The following TCEA3 variants were observed in gnomAD, a reference collection of about 807,000 sequenced individuals.
TCEA3 encodes the protein transcription elongation factor A3.
A neutral mutation model predicts 44.0 loss-of-function variants in TCEA3; 36 were observed. The ratio of observed to expected loss-of-function variants is 0.82; its 90% confidence interval spans 0.63 to 1.08. TCEA3 has a LOEUF of 1.08. TCEA3 is among the 50% of genes least tolerant of loss of function. TCEA3 has a pLI of 0.00. For synonymous variants in TCEA3, 162 were observed against 159.7 expected, an observed-to-expected ratio of 1.01 and a Z score of -0.11; for missense variants, 392 against 441.2, an observed-to-expected ratio of 0.89 and a Z score of 1.00.
At chr1:23,384,662 C>CTTTT (rs11341961) in intron 9 of TCEA3, among the ~76,000 whole-genome samples, 20 of 116,478 alleles carry the variant, frequency 1.7e-4, no homozygotes, top group African/African-American at 4.7e-4. Context: ...TGCACTTCCG[C>CTTTT]TTTTTTTTTT....
intron 1 of TCEA3, among the ~76,000 whole-genome samples, chr1:23,423,468 G>A (rs1570304356): frequency 6.6e-6 from 1 of 152,128 alleles, no homozygotes; most frequent in African/African-American, 2.4e-5. Context: ...CCACTCTAGG[G>A]CTCCCTGCCA....
intron 1 of TCEA3, 22 bp from the exon 2 acceptor site, chr1:23,419,161 G>A (rs1364289670): frequency 1.3e-6 from 2 of 1,578,144 alleles, no homozygotes; most frequent in African/African-American, 2.7e-5. Context: ...CACAAGGTGA[G>A]GACTGGGGCC....
intron 10 of TCEA3, chr1:23,383,824 A>G: frequency 1.0e-6 from 1 of 986,584 alleles, no homozygotes; most frequent in Non-Finnish European, 1.2e-6. Flanking sequence ...CTGCCTTTGC[A>G]GGAGCTGGGG....
At chr1:23,384,320 AG>A in intron 10 of TCEA3, 25 bp downstream of exon 10, 1 of 1,613,778 alleles carries the variant, frequency 6.2e-7, no homozygotes. Flanking sequence ...ATAACAGGGA[AG>A]GGGGAAATAC....
At chr1:23,396,152 G>A (rs775881106) in intron 7 of TCEA3, among the ~76,000 whole-genome samples, 1 of 152,116 alleles carries the variant, frequency 6.6e-6, no homozygotes, top group Non-Finnish European at 1.5e-5. Context: ...ATCAGGGTAG[G>A]CCACAGGAAG....
intron 8 of TCEA3, among the ~76,000 whole-genome samples, chr1:23,392,401 C>T (rs1389040529): frequency 3.6e-5 from 1 of 27,954 alleles, no homozygotes; most frequent in Non-Finnish European, 7.8e-5. Flanking sequence ...ACACACTCCA[C>T]ACATCATCAT....
At chr1:23,390,720 G>C (rs1248225023) in intron 8 of TCEA3, among the ~76,000 whole-genome samples, 1 of 152,112 alleles carries the variant, frequency 6.6e-6, no homozygotes, top group Non-Finnish European at 1.5e-5. Flanking sequence ...CAGCATCAGA[G>C]ACACGGAGAA....
At chr1:23,399,646 TCTAC>T (rs1639339516) in intron 5 of TCEA3, among the ~76,000 whole-genome samples, 1 of 151,986 alleles carries the variant, frequency 6.6e-6, no homozygotes, top group Admixed American at 6.6e-5. Flanking sequence ...ACAGAATTTA[TCTAC>T]TTTTGCGATG....
chr1:23,403,192 G>C (rs941972616), intron 5 of TCEA3, among the ~76,000 whole-genome samples: 1 of 152,252 alleles, frequency 6.6e-6, no homozygotes, highest in African/African-American at 2.4e-5. Flanking sequence ...CTTTGAAGGA[G>C]CCCCAACGAA....
At chr1:23,419,416 T>G in intron 1 of TCEA3, 5 of 317,478 alleles carry the variant, frequency 1.6e-5, no homozygotes, top group Non-Finnish European at 2.3e-5. Flanking sequence ...GCCCTCCCCC[T>G]TCCCCATCTT....
At chr1:23,386,675 A>G (rs776240284) in intron 9 of TCEA3, among the ~76,000 whole-genome samples, 29 of 152,004 alleles carry the variant, frequency 1.9e-4, no homozygotes, top group Non-Finnish European at 2.9e-4. Flanking sequence ...CTCCTGCCTC[A>G]GCCTCCAGGG....
At chr1:23,410,930 G>T in intron 4 of TCEA3, 1 of 169,954 alleles carries the variant, frequency 5.9e-6, no homozygotes, top group Non-Finnish European at 1.3e-5. Context: ...TGAATTGTAT[G>T]CAGTTACTTG....
intron 1 of TCEA3, among the ~76,000 whole-genome samples, chr1:23,424,248 G>T (rs2148590674): frequency 6.8e-6 from 1 of 147,026 alleles, no homozygotes; most frequent in African/African-American, 2.5e-5. Context: ...CCCACGTCCA[G>T]CTCTCTTCGC....
intron 1 of TCEA3, among the ~76,000 whole-genome samples, chr1:23,421,991 G>C (rs1316260317): frequency 6.6e-6 from 1 of 152,156 alleles, no homozygotes; most frequent in Non-Finnish European, 1.5e-5. Context: ...TGCAAATGTT[G>C]CTGGGTGTAT....
In TCEA3 at chr1:23,417,981, C is replaced by A; in HGVS notation, c.161G>T (p.Gly54Val). ...CTTGTCTGAGCAGTGCTTGCGGACC[C>A]CATTAACAGCAACTCCAATCCTGGT... The part of the protein sequence containing the change: ...QTTRIGVAVN[G>V]VRKHCSDKEV... Residue 54 changes from glycine (G) to valine (V), a missense_variant, in exon 3 of 11, where the codon GGG (glycine) becomes GTG (valine). Physicochemically the swap from Gly to Val is moderately radical, Grantham distance 109. Coordinates refer to ENST00000450454, the MANE Select transcript of TCEA3 (RefSeq NM_003196.3). 6.2e-7 allele frequency: 1 copy of A among 1,614,030 alleles called. No individual in the cohort carries two copies. Among genetic ancestry groups the A allele is most frequent in the Non-Finnish European group, 8.5e-7 (1 of 1,179,890 alleles).
At chr1:23,399,176 A>ATATC (rs1553167336) in intron 5 of TCEA3, among the ~76,000 whole-genome samples, 4 of 141,920 alleles carry the variant, frequency 2.8e-5, no homozygotes, top group East Asian at 2.0e-4. Context: ...ATATATATAT[A>ATATC]TATCCATATG....
chr1:23,387,451 G>A, intron 8 of TCEA3, 32 bp from the exon 9 acceptor site: 1 of 1,560,974 alleles, frequency 6.4e-7, no homozygotes, highest in Non-Finnish European at 8.7e-7. Flanking sequence ...CTTCAGGGCT[G>A]AGGAGTTTCA....
At chr1:23,402,472 C>T (rs1226886072) in intron 5 of TCEA3, among the ~76,000 whole-genome samples, 1 of 152,198 alleles carries the variant, frequency 6.6e-6, no homozygotes, top group Non-Finnish European at 1.5e-5. Flanking sequence ...CTCCACAGCA[C>T]TGCTTCTTTC....
intron 1 of TCEA3, among the ~76,000 whole-genome samples, chr1:23,424,196 G>A (rs779975441): frequency 1.7e-3 from 114 of 66,520 alleles, no homozygotes; most frequent in Middle Eastern, 8.6e-3. Context: ...GCCGCTCCCC[G>A]GGCTTTGCAC....
Sources: allele counts gnomAD v4.1 joint callset (sites outside exome capture counted in the v4.1 genomes callset), GRCh38; gene constraint gnomAD v4.1.1; transcripts MANE v1.5; gene names NCBI Gene and HGNC (gene_info 2026-07-23, HGNC 2026-07-21).